The following PGGHG variants were observed in gnomAD, a reference collection of about 807,000 sequenced individuals.
The protein encoded by PGGHG is protein-glucosylgalactosylhydroxylysine glucosidase.
In PGGHG, 67 loss-of-function variants were observed where a neutral mutation model predicts 74.5. That is an observed-to-expected ratio of 0.90 (90% CI 0.74 to 1.10). The LOEUF (loss-of-function observed/expected upper bound fraction) is 1.10, where lower values mean the gene tolerates loss of function less well. Among genes scored for constraint, PGGHG ranks in the 50% least tolerant of loss-of-function variants. The pLI is 0.00. For synonymous variants in PGGHG, 496 were observed against 419.9 expected (o/e 1.18, Z -2.21); for missense variants, 1,034 against 981.5 (o/e 1.05, Z -0.72).
intron 13 of PGGHG, 26 bp from the exon 14 acceptor site, chr11:294,530 C>A (rs199848895): frequency 0.011 from 17,127 of 1,599,394 alleles, 329 homozygotes; most frequent in South Asian, 0.051. Context: ...CTGCCCCTCA[C>A]CCCCAGGCTG....
intron 5 of PGGHG, 101 bp from the exon 6 acceptor site, chr11:292,445 G>A (rs1022126946): frequency 1.4e-5 from 20 of 1,461,664 alleles, no homozygotes; most frequent in African/African-American, 4.2e-5. Context: ...GGTACCTGGC[G>A]CAGGCCGAGC....
rs754028051 is a variant in PGGHG at position 292,065 on chromosome 11, C to T, written c.996C>T (p.Ala332=). The T allele has an allele frequency of 6.3e-7, 1 of 1,578,554 alleles. No individual in the cohort carries two copies. Among genetic ancestry groups the T allele is most frequent in the Non-Finnish European group, 8.6e-7 (1 of 1,161,986 alleles). Residue 332 remains alanine (A), a synonymous_variant, in exon 5 of 14, where the codon GCC becomes GCT. Transcript: ENST00000409548. ...LEYRIRTLDG[A]LENAQNLGYQ... The stretch of plus-strand genomic sequence containing the variant: ...ACCGCATCCGCACGCTGGACGGGGC[C>T]CTGGAGAACGCCCAGAACCTGGGCT...
intron 4 of PGGHG, 188 bp from the exon 5 acceptor site, chr11:291,788 C>A: frequency 1.2e-6 from 1 of 835,462 alleles, no homozygotes; most frequent in Non-Finnish European, 1.8e-6. Context: ...AGCACCAGAA[C>A]TCCAGGAGCG....
At chr11:291,151 C>T (rs376438900) in intron 4 of PGGHG, 38 bp downstream of exon 4, 70 of 1,523,600 alleles carry the variant, frequency 4.6e-5, no homozygotes, top group Non-Finnish European at 5.5e-5. Flanking sequence ...ACACAGCAGG[C>T]GACACATGGA....
intron 5 of PGGHG, 35 bp from the exon 6 acceptor site, chr11:292,511 A>G (rs1830094786): frequency 1.2e-6 from 2 of 1,604,880 alleles, no homozygotes; most frequent in South Asian, 1.1e-5. Flanking sequence ...GCTCCCCTCC[A>G]ACAAGGTCAA....
rs753503749 is a variant in PGGHG, at chr11:290,798, G to T, written c.591G>T (p.Thr197=). 2 of 1,612,580 alleles carry T rather than the reference G, an allele frequency of 1.2e-6. No individual in the cohort carries two copies. Among genetic ancestry groups the T allele is most frequent in the African/African-American group, 1.3e-5 (1 of 74,936 alleles). ...TTGGGGAAGGTGAGGAGGCTAGGAC[G>T]TGGGACTTCCTGACAGCAGTGGGCG... ...LTLGEGEEAR[T]WDFLTAVGGS... Residue 197 remains threonine, a synonymous_variant, in exon 4 of 14, where the codon ACG becomes ACT. Coordinates refer to ENST00000409548, the MANE Select transcript of PGGHG (RefSeq NM_025092.5).
At chr11:291,377 T>C in intron 4 of PGGHG, 1 of 466,774 alleles carries the variant, frequency 2.1e-6, no homozygotes, top group South Asian at 4.1e-5. Flanking sequence ...GGGCTGCAGG[T>C]CCAGATCACC....
At position 293,587 on chromosome 11, in the gene PGGHG, C is replaced by T; in HGVS notation, c.1481-7C>T. ...AACACCTTCCAGTCAGCGGCACCTC[C>T]CTGTAGGAGAGGTGGTGAAGCAGGC... On this transcript the variant is annotated splice_polypyrimidine_tract_variant and splice_region_variant and intron_variant, in intron 9 of 13. Transcript: ENST00000409548. 6.2e-7 allele frequency: 1 copy of T among 1,613,484 alleles called. No homozygotes were observed. Among genetic ancestry groups the T allele is most frequent in the Non-Finnish European group, 8.5e-7 (1 of 1,179,964 alleles).
chr11:289,862 C>T lies in PGGHG; in HGVS notation c.46C>T (p.Leu16=), dbSNP rs960815041. 15 of 1,551,046 alleles carry T rather than the reference C, an allele frequency of 9.7e-6. No homozygotes were observed. The African/African-American group carries it at 1.9e-4, about 20-fold the overall frequency. The change falls in exon 2 of 14, where the codon CTG becomes TTG. Residue 16 remains leucine (L), a synonymous_variant. Coordinates refer to ENST00000409548, the MANE Select transcript of PGGHG (RefSeq NM_025092.5). The surrounding 1 kb of genome is among the most constrained non-coding windows in gnomAD (Gnocchi z 5.6). ...CCCCACCACGTTTGCTGCCCACTCT[C>T]TGCCCAGTGACCCCCGTCTCTTGGC... ...EDPTTFAAHS[L]PSDPRLLATV... is the part of the protein sequence containing the mutation.
intron 5 of PGGHG, 69 bp from the exon 6 acceptor site, chr11:292,477 G>T (rs1008321973): frequency 6.3e-7 from 1 of 1,585,856 alleles, no homozygotes; most frequent in South Asian, 1.1e-5. Flanking sequence ...CAGGGCGAGG[G>T]CACGGGAAAG....
Position 290,466 on chromosome 11 carries a change from C to T in PGGHG, c.336C>T (p.His112=), listed in dbSNP as rs182102503. The change falls in exon 3 of 14, where the codon CAC becomes CAT. Residue 112 remains histidine, a synonymous_variant. Coordinates refer to ENST00000409548, the MANE Select transcript of PGGHG (RefSeq NM_025092.5). ...TCTATGCGCATCGCACGCTGCCCCA[C>T]GTGCTGGCTTTCCGAGTGTCCATCG... The part of the protein sequence containing the change: ...QCIYAHRTLP[H]VLAFRVSIAR... 7.8e-3 allele frequency: 12,122 copies of T among 1,549,980 alleles called. 69 individuals are homozygous for T. The highest frequency in any genetic ancestry group is 9.6e-3 in the Non-Finnish European group (10,954 of 1,146,932).
Position 290,557 on chromosome 11 carries a change from C to G in PGGHG, c.427C>G (p.Pro143Ala), listed in dbSNP as rs949555699. ...LLRSAFSPES[P>A]DLDLHQGPDF... ...GCGGTCAGCCTTCTCCCCAGAAAGC[C>G]CAGACCTGGACCTGCATCAGGGTCC... The change falls in exon 3 of 14, where the codon CCA becomes GCA. Residue 143 changes from proline (P) to alanine (A), a missense_variant. Physicochemically the swap from Pro to Ala is conservative, Grantham distance 27. Coordinates refer to ENST00000409548, the MANE Select transcript of PGGHG (RefSeq NM_025092.5). 5.2e-6 allele frequency: 8 copies of G among 1,551,506 alleles called. No individual in the cohort carries two copies. The highest frequency in any genetic ancestry group is 1.4e-5 in the African/African-American group (1 of 73,200).
rs1338990435 is a variant in PGGHG at position 290,005 on chromosome 11, C to T, written c.189C>T (p.Asn63=). Reference sequence around the variant, plus strand: ...GGGCCATGCTGCCCAGCCCCCTCAACGTCCGGCTGGAGGCCCCTGCAGGGA... The same window carrying T: ...GGGCCATGCTGCCCAGCCCCCTCAATGTCCGGCTGGAGGCCCCTGCAGGGA... ...THRAMLPSPL[N]VRLEAPAGMG... is the part of the protein sequence containing the mutation. Residue 63 remains asparagine, a synonymous_variant, in exon 2 of 14, where the codon AAC becomes AAT. Transcript: ENST00000409548. The T allele has an allele frequency of 5.8e-6, 9 of 1,547,810 alleles. No homozygotes were observed. The Admixed American group carries it at 9.8e-5, about 17-fold the overall frequency.
chr11:289,481 G>A lies in PGGHG; in HGVS notation c.-14+242G>A, dbSNP rs1845652225. 3 of 217,598 alleles carry A rather than the reference G, an allele frequency of 1.4e-5. No homozygotes were observed. Among genetic ancestry groups the A allele is most frequent in the Non-Finnish European group, 2.8e-5 (3 of 108,326 alleles). 13.5% of individuals were successfully genotyped at this position (217,598 alleles called of 1,614,324 possible). On this transcript the variant is annotated intron_variant, in intron 1 of 13. Transcript: ENST00000409548. The surrounding 1 kb of genome is among the most constrained non-coding windows in gnomAD (Gnocchi z 5.6). ...CCAACAGACGCAGGTCCCGACCACA[G>A]AGGGTGGGGGCAAGACCGGGGTTGT...
intron 2 of PGGHG, 22 bp downstream of exon 2, chr11:290,097 C>G (rs1360418069): frequency 6.6e-7 from 1 of 1,504,688 alleles, no homozygotes; most frequent in Non-Finnish European, 8.9e-7. Flanking sequence ...TGGCCTGCCT[C>G]ACCCCTGCCC....
rs1199957857 is a variant in PGGHG at position 294,477 on chromosome 11, A to G, written c.2019A>G (p.Pro673=). ...WPSQSRLSLL[P]GHKVSFPRSA... Reference sequence around the variant, plus strand: ...CCCAGTCCCGGCTCTCCCTGTTGCCAGGTAGAACAGCCCCCAACAGCCCAG... The same window carrying G: ...CCCAGTCCCGGCTCTCCCTGTTGCCGGGTAGAACAGCCCCCAACAGCCCAG... The change falls in exon 13 of 14, where the codon CCA becomes CCG. Residue 673 remains proline (P), a splice_region_variant and synonymous_variant. Transcript: ENST00000409548. The G allele has an allele frequency of 5.3e-5, 48 of 902,722 alleles. No individual in the cohort carries two copies. In the East Asian group the frequency reaches 1.9e-3, roughly 36 times the overall value. The allele number at this position is 902,722 out of a possible 1,614,324, so 55.9% of individuals were successfully genotyped here.
At chr11:293,085 G>A (rs746379558) in intron 7 of PGGHG, 78 bp from the exon 8 acceptor site, 313 of 1,613,702 alleles carry the variant, frequency 1.9e-4, no homozygotes, top group Non-Finnish European at 2.6e-4. Flanking sequence ...ACGTGTGCCA[G>A]CCCCACGCTG....
In PGGHG at chr11:289,996, C is replaced by A; in HGVS notation, c.180C>A (p.Ser60Arg). ...ACACGCACCGGGCCATGCTGCCCAG[C>A]CCCCTCAACGTCCGGCTGGAGGCCC... ...GGDTHRAMLPSPLNVRLEAPA... is the reference protein window; with the variant it reads ...GGDTHRAMLPRPLNVRLEAPA... The change falls in exon 2 of 14, where the codon AGC (serine) becomes AGA (arginine). Residue 60 changes from serine (S) to arginine (R), a missense_variant. Ser to Arg is a moderately radical substitution (Grantham distance 110). Transcript: ENST00000409548. The surrounding 1 kb of genome is among the most constrained non-coding windows in gnomAD (Gnocchi z 5.6). The A allele has an allele frequency of 1.9e-6, 3 of 1,548,656 alleles. No homozygotes were observed. Among genetic ancestry groups the A allele is most frequent in the Non-Finnish European group, 2.6e-6 (3 of 1,146,818 alleles).
intron 8 of PGGHG, 31 bp downstream of exon 8, chr11:293,266 A>G (rs1323788171): frequency 1.3e-6 from 2 of 1,556,380 alleles, no homozygotes; most frequent in Non-Finnish European, 1.7e-6. Context: ...ACCTCACCCC[A>G]CCCCCGCCCC....
Sources: allele counts gnomAD v4.1 joint callset, GRCh38; gene constraint gnomAD v4.1.1; non-coding constraint Gnocchi (gnomAD v3.1); transcripts MANE v1.5; gene names NCBI Gene and HGNC (gene_info 2026-07-23, HGNC 2026-07-21).